Variants in SLC4A11 observed in about 807,000 individuals in gnomAD.
SLC4A11 encodes the protein solute carrier family 4 member 11.
A neutral mutation model predicts 95.0 loss-of-function variants in SLC4A11; 74 were observed. The observed-to-expected ratio is 0.78, with a 90% CI of 0.65 to 0.95. SLC4A11 has a LOEUF of 0.95. Among genes scored for constraint, SLC4A11 ranks in the 40% least tolerant of loss-of-function variants. The probability of loss-of-function intolerance (pLI) is 0.00; values close to 1 mark genes in which losing one functional copy is unlikely to be tolerated. For synonymous variants in SLC4A11, 548 were observed against 519.0 expected, an observed-to-expected ratio of 1.06 and a Z score of -0.76; for missense variants, 1,081 against 1,192.4, an observed-to-expected ratio of 0.91 and a Z score of 1.38.
rs2067907214 is a variant in SLC4A11 at position 3,234,617 on chromosome 20, T to C, written c.242A>G (p.Glu81Gly). Residue 81 changes from glutamate to glycine, a missense_variant and splice_region_variant, in exon 4 of 20, where the codon GAG becomes GGG. This residue lies in a region of SLC4A11 where 310 missense variants were observed against 313.5 expected (regional missense o/e 0.99). Coordinates refer to ENST00000642402, the MANE Select transcript of SLC4A11 (RefSeq NM_001174089.2). The surrounding 1 kb of genome is among the most constrained non-coding windows in gnomAD (Gnocchi z 5.8). ...VNLEMQATNTENEATSGGCVL... is the reference protein window; with the variant it reads ...VNLEMQATNTGNEATSGGCVL... Reference sequence around the variant, plus strand: ...ACAGCCACCGGAAGTCGCTTCATTCTCTGCCGGAGAAAAGCGGGGAGGGCT... The same window carrying C: ...ACAGCCACCGGAAGTCGCTTCATTCCCTGCCGGAGAAAAGCGGGGAGGGCT... 1 of 1,613,748 alleles carries C rather than the reference T, an allele frequency of 6.2e-7. No homozygotes were observed. The highest frequency in any genetic ancestry group is 8.5e-7 in the Non-Finnish European group (1 of 1,180,022).
At chr20:3,235,033 G>A in intron 2 of SLC4A11, 139 bp from the exon 3 acceptor site, 2 of 1,010,188 alleles carry the variant, frequency 2.0e-6, no homozygotes, top group Non-Finnish European at 3.0e-6. Flanking sequence ...CATAGGCGAG[G>A]AAGGCAGCTT....
Position 3,228,840 on chromosome 20 carries a change from G to A in SLC4A11, c.2190C>T (p.Asp730=), listed in dbSNP as rs1407390481. The A allele has an allele frequency of 6.2e-7, 1 of 1,613,810 alleles. No homozygotes were observed. Among genetic ancestry groups the A allele is most frequent in the East Asian group, 2.2e-5 (1 of 44,884 alleles). The change falls in exon 17 of 20, where the codon GAC becomes GAT. Residue 730 remains aspartate, a splice_region_variant and synonymous_variant. Transcript: ENST00000642402. ...GCTCTTGCCAGCCTCACACTCACGT[G>A]TCATAGATGTGTCCGTTCTCCACAC... ...EERVENGHIY[D]TIVNVKETRL... is the part of the protein sequence containing the mutation.
chr20:3,233,568 C>T lies in SLC4A11; in HGVS notation c.675G>A (p.Gly225=), dbSNP rs375333336. The T allele has an allele frequency of 2.0e-5, 33 of 1,613,812 alleles. No homozygotes were observed. Among genetic ancestry groups the T allele is most frequent in the Admixed American group, 2.0e-4 (12 of 60,012 alleles). ...ISRLVRPQNW[G]ENSCEVRFVI... ...CGAACCGAACCTCACAGGAATTCTC[C>T]CCCCAGTTCTGTGGGCGAACCAGGC... The change falls in exon 7 of 20, where the codon GGG becomes GGA. Residue 225 remains glycine, a synonymous_variant. Coordinates refer to ENST00000642402, the MANE Select transcript of SLC4A11 (RefSeq NM_001174089.2).
At chr20:3,239,429 T>C, upstream of SLC4A11, 1 of 1,063,080 alleles carries the variant, frequency 9.4e-7, no homozygotes, top group Non-Finnish European at 1.1e-6. Context: ...CCCGGCTCCT[T>C]CGAGCCTGTG....
intron 2 of SLC4A11, among the ~76,000 whole-genome samples, chr20:3,236,785 G>GTTCTTCCCCCA (rs970651474): frequency 2.0e-5 from 3 of 151,578 alleles, no homozygotes; most frequent in African/African-American, 4.9e-5. Flanking sequence ...ACACAGCCCC[G>GTTCTTCCCCCA]TTCTTCCCCC....
Position 3,228,411 on chromosome 20 carries a change from T to G in SLC4A11, c.2406A>C (p.Thr802=). Residue 802 remains threonine (T), a synonymous_variant, in exon 19 of 20, where the codon ACA becomes ACC. Transcript: ENST00000642402. The part of the protein sequence containing the change: ...LLKEQTAYPP[T]HYIRRVPQRK... ...TCTGGGGCACCCTCCGGATGTAGTGTGTCGGGGGGTACGCAGTCTGTGGGC... is the reference window on the plus strand; with the variant it reads ...TCTGGGGCACCCTCCGGATGTAGTGGGTCGGGGGGTACGCAGTCTGTGGGC... 6.2e-7 allele frequency: 1 copy of G among 1,613,126 alleles called. No homozygotes were observed. Among genetic ancestry groups the G allele is most frequent in the South Asian group, 1.1e-5 (1 of 91,072 alleles).
At chr20:3,238,725 C>A (rs1478792046) in intron 1 of SLC4A11, 51 of 1,050,928 alleles carry the variant, frequency 4.9e-5, no homozygotes, top group Non-Finnish European at 5.7e-5. Context: ...TGAGACCTTC[C>A]GAGGCGGCGG....
rs747022053 is a variant in SLC4A11 at position 3,230,727 on chromosome 20, T to C, written c.1282+5A>G. 1.9e-6 allele frequency: 3 copies of C among 1,613,224 alleles called. No individual in the cohort carries two copies. Among genetic ancestry groups the C allele is most frequent in the Admixed American group, 1.7e-5 (1 of 60,026 alleles). ...CACCATCTCCCGCCTCAGCCCCCAC[T>C]GCACCCTGGATGTAGAGCGCCAGGG... On this transcript the variant is annotated splice_donor_5th_base_variant and intron_variant, in intron 11 of 19. Transcript: ENST00000642402.
rs199733818 is a variant in SLC4A11, at chr20:3,237,530, C to T, written c.88+14G>A. ...GCTCTCTCTGCACACACACACTCCC[C>T]GAGAGGTACTCACTTGAATCCTCGA... On this transcript the variant is annotated intron_variant, in intron 2 of 19. Transcript: ENST00000642402. 6.2e-6 allele frequency: 10 copies of T among 1,613,428 alleles called. No homozygotes were observed. The African/African-American group carries it at 8.0e-5, about 13-fold the overall frequency.
intron 11 of SLC4A11, 21 bp from the exon 12 acceptor site, chr20:3,230,668 G>C (rs577391011): frequency 6.2e-7 from 1 of 1,613,126 alleles, no homozygotes; most frequent in East Asian, 2.2e-5. Context: ...GGGGCAGGGC[G>C]GGTCAGGGCC....
chr20:3,238,845 C>G, intron 1 of SLC4A11: 1 of 1,213,060 alleles, frequency 8.2e-7, no homozygotes. Context: ...CTGTTCAAAC[C>G]TGGTAAGAAA....
At chr20:3,238,041 G>A in intron 1 of SLC4A11, 1 of 1,503,252 alleles carries the variant, frequency 6.7e-7, no homozygotes, top group Non-Finnish European at 8.9e-7. Flanking sequence ...TCTCAGACCG[G>A]TCCTGGGGGC....
chr20:3,231,604 G>T lies in SLC4A11; in HGVS notation c.730-56C>A. 6.4e-7 allele frequency: 1 copy of T among 1,553,818 alleles called. No individual in the cohort carries two copies. The highest frequency in any genetic ancestry group is 1.1e-5 in the South Asian group (1 of 89,820). The stretch of plus-strand genomic sequence containing the variant: ...AAACAGAGGAGGCCCTGCCCGGGCC[G>T]AGCAGGTGAAGGTGCTCTCCCCATG... On this transcript the variant is annotated intron_variant, in intron 7 of 19. Coordinates refer to ENST00000642402, the MANE Select transcript of SLC4A11 (RefSeq NM_001174089.2). The surrounding 1 kb of genome is among the most constrained non-coding windows in gnomAD (Gnocchi z 5.2).
rs751797233 is a variant in SLC4A11, at chr20:3,229,251, C to A, written c.1862G>T (p.Arg621Leu). The A allele has an allele frequency of 1.9e-6, 3 of 1,612,874 alleles. No homozygotes were observed. The highest frequency in any genetic ancestry group is 2.5e-6 in the Non-Finnish European group (3 of 1,179,994). ...GFREIEMSKF[R>L]YNPSESPFAM... ...AAAGGGGCTCTCGCTGGGGTTGTAGCGGAACTTGCTCACTGCAGTAGGGGA... is the reference window on the plus strand; with the variant it reads ...AAAGGGGCTCTCGCTGGGGTTGTAGAGGAACTTGCTCACTGCAGTAGGGGA... Residue 621 changes from arginine to leucine, a missense_variant, in exon 16 of 20, where the codon CGC (arginine) becomes CTC (leucine). Transcript: ENST00000642402.
rs3842433 is a variant in SLC4A11, at chr20:3,234,403, T to TCCAGCCCCCAGCCC, written c.292-103_292-90dup. On this transcript the variant is annotated intron_variant, in intron 4 of 19. Transcript: ENST00000642402. The surrounding 1 kb of genome is among the most constrained non-coding windows in gnomAD (Gnocchi z 5.8). ...CCTCCCTCCCAGCCAGCCGCAGCAG[T>TCCAGCCCCCAGCCC]CCAGCCCCCAGCCCCCAGCCCCCAG... The TCCAGCCCCCAGCCC allele has an allele frequency of 4.3e-4, 579 of 1,339,034 alleles. 4 individuals are homozygous for TCCAGCCCCCAGCCC. In the East Asian group the frequency reaches 9.1e-3, roughly 21 times the overall value. The allele number at this position is 1,339,034 out of a possible 1,614,324, so 82.9% of individuals were successfully genotyped here.
Position 3,231,417 on chromosome 20 carries a change from C to T in SLC4A11, c.861G>A (p.Gln287=). The T allele has an allele frequency of 6.2e-7, 1 of 1,614,132 alleles. No individual in the cohort carries two copies. Among genetic ancestry groups the T allele is most frequent in the Non-Finnish European group, 8.5e-7 (1 of 1,180,022 alleles). The part of the protein sequence containing the change: ...EFKEALVHQR[Q]LLTMVSHGPV... ...GACCGTGGCTCACCATGGTGAGCAG[C>T]TGTCTCTGATGCACCAAGGCCTCCT... Residue 287 remains glutamine, a synonymous_variant, in exon 8 of 20, where the codon CAG becomes CAA. Coordinates refer to ENST00000642402, the MANE Select transcript of SLC4A11 (RefSeq NM_001174089.2). The surrounding 1 kb of genome is among the most constrained non-coding windows in gnomAD (Gnocchi z 5.2).
chr20:3,233,610 C>T lies in SLC4A11; in HGVS notation c.633G>A (p.Arg211=), dbSNP rs756221460. The change falls in exon 7 of 20, where the codon CGG becomes CGA. Residue 211 remains arginine, a synonymous_variant. Coordinates refer to ENST00000642402, the MANE Select transcript of SLC4A11 (RefSeq NM_001174089.2). The part of the protein sequence containing the change: ...IICTMKALQK[R]HVCISRLVRP... ...GAACCAGGCGGCTGATGCACACGTG[C>T]CGCTTCTGTAGGGCCTTCATGGTAC... The T allele has an allele frequency of 1.4e-5, 22 of 1,613,214 alleles. No homozygotes were observed. The Admixed American group carries it at 3.5e-4, about 26-fold the overall frequency.
intron 2 of SLC4A11, among the ~76,000 whole-genome samples, chr20:3,236,453 G>A (rs2067983693): frequency 6.6e-6 from 1 of 152,248 alleles, no homozygotes; most frequent in Middle Eastern, 3.4e-3. Flanking sequence ...GCCGGGTGTG[G>A]TGGCGGGCGC....
Position 3,237,917 on chromosome 20 carries a change from T to C in SLC4A11, c.44-329A>G, listed in dbSNP as rs79057061. The C allele has an allele frequency of 0.083, 127,924 of 1,550,574 alleles. 5,798 individuals carry two copies. The highest frequency in any genetic ancestry group is 0.12 in the African/African-American group (8,807 of 73,154). Reference sequence around the variant, plus strand: ...CCATGTTCGCTAATCCAGGTTTTCCTGAGAAAACCCTGCCCCGCTGCAGCG... The same window carrying C: ...CCATGTTCGCTAATCCAGGTTTTCCCGAGAAAACCCTGCCCCGCTGCAGCG... On this transcript the variant is annotated intron_variant, in intron 1 of 19. Transcript: ENST00000642402.
Sources: gnomAD v4.1 joint callset for allele counts (sites outside exome capture counted in the v4.1 genomes callset) on GRCh38, gnomAD v4.1.1 for gene constraint, gnomAD v4.1.1 regional missense constraint, Gnocchi (gnomAD v3.1) non-coding constraint, MANE v1.5 for transcripts, NCBI Gene and HGNC (gene_info 2026-07-23, HGNC 2026-07-21) for gene names.